Variants in SLC4A8 observed in about 807,000 individuals in gnomAD.
SLC4A8 encodes electroneutral sodium bicarbonate exchanger 1.
SLC4A8 carries 40 observed loss-of-function variants against 125.0 expected under a neutral mutation model. That is an observed-to-expected ratio of 0.32 (90% CI 0.25 to 0.42). The LOEUF is 0.42. SLC4A8 is among the 10% of genes least tolerant of loss of function. SLC4A8 has a pLI of 1.00. For synonymous variants in SLC4A8, 456 were observed against 476.0 expected, an observed-to-expected ratio of 0.96 and a Z score of 0.55; for missense variants, 863 against 1,355.1, an observed-to-expected ratio of 0.64 and a Z score of 5.70.
rs188997817 is a variant in SLC4A8, at chr12:51,484,550, G to C, written c.2173-1237G>C. On this transcript the variant is annotated intron_variant, in intron 16 of 24. Coordinates refer to ENST00000453097, the MANE Select transcript of SLC4A8 (RefSeq NM_001039960.3). ...GAGAATTTATATTGCATTCAGAGAA[G>C]AACTAACAAAACCATGGAGGAGGAA... Among the ~76,000 whole-genome samples the C allele has an allele frequency of 6.6e-5, 10 of 152,246 alleles. No homozygotes were observed. In the East Asian group the frequency reaches 7.7e-4, roughly 12 times the overall value.
intron 2 of SLC4A8, among the ~76,000 whole-genome samples, chr12:51,444,464 ATAAT>A (rs150795972): frequency 0.018 from 2,690 of 152,300 alleles, 43 homozygotes; most frequent in Non-Finnish European, 0.025. Flanking sequence ...AATGTTCGTG[ATAAT>A]TGATTGTACT....
chr12:51,458,366 A>C (rs569548063), intron 6 of SLC4A8, among the ~76,000 whole-genome samples, 193 bp from the exon 7 acceptor site: 1 of 152,330 alleles, frequency 6.6e-6, no homozygotes, highest in East Asian at 1.9e-4. Context: ...AAGTAGCAAG[A>C]GCTCTGTCCT....
intron 1 of SLC4A8, among the ~76,000 whole-genome samples, chr12:51,401,796 C>T (rs940774612): frequency 1.3e-5 from 2 of 152,166 alleles, no homozygotes; most frequent in African/African-American, 4.8e-5. Context: ...CACCCCCTTC[C>T]CTTCCCAGCA....
At chr12:51,499,869 G>GT (rs1158318261) in intron 22 of SLC4A8, among the ~76,000 whole-genome samples, 1 of 152,116 alleles carries the variant, frequency 6.6e-6, no homozygotes, top group Non-Finnish European at 1.5e-5. Flanking sequence ...AGCTTGGTGT[G>GT]TTTGAGGAAC....
At chr12:51,482,491 T>A (rs1272951778) in intron 16 of SLC4A8, among the ~76,000 whole-genome samples, 2 of 152,144 alleles carry the variant, frequency 1.3e-5, no homozygotes, top group African/African-American at 4.8e-5. Context: ...GTGATTCTCC[T>A]GCCTCAGCCT....
chr12:51,423,145 G>A (rs184513100), upstream of SLC4A8, among the ~76,000 whole-genome samples: 373 of 152,230 alleles, frequency 2.5e-3, 1 homozygote, highest in African/African-American at 8.6e-3. Context: ...ATACAGAAGG[G>A]CATAAGAAAA....
At chr12:51,502,902 C>T (rs1675549924) in intron 22 of SLC4A8, among the ~76,000 whole-genome samples, 2 of 146,890 alleles carry the variant, frequency 1.4e-5, no homozygotes, top group East Asian at 2.0e-4. Flanking sequence ...AGTGCAGTGG[C>T]GCCATCTTGG....
At position 51,512,871 on chromosome 12, in the gene SLC4A8, A is replaced by G. The variant is rs1938414180; in HGVS notation, c.*5433A>G. The G allele has an allele frequency of 6.6e-6, 1 of 152,248 alleles. No homozygotes were observed. The highest frequency in any genetic ancestry group is 1.5e-5 in the Non-Finnish European group (1 of 68,046). The allele number at this position is 152,248 out of a possible 1,614,324, so 9.4% of individuals were successfully genotyped here. A position where few individuals can be genotyped will look rare whatever the true frequency, so the allele number is the denominator to read the frequency against. On this transcript the variant is annotated 3_prime_UTR_variant, in exon 25 of 25. Coordinates refer to ENST00000453097, the MANE Select transcript of SLC4A8 (RefSeq NM_001039960.3). The stretch of plus-strand genomic sequence containing the variant: ...TCTATGGGAAAAGATGTTTAAACTC[A>G]GCATGAAGGAGAAACAAATTTAGGA...
chr12:51,417,224 C>T (rs1436738423), intron 1 of SLC4A8, among the ~76,000 whole-genome samples: 3 of 152,194 alleles, frequency 2.0e-5, no homozygotes, highest in Non-Finnish European at 4.4e-5. Context: ...CCTTTGTCAC[C>T]CAGTGCAGTG....
chr12:51,426,347 G>C (rs1948977734), intron 1 of SLC4A8, among the ~76,000 whole-genome samples: 1 of 152,138 alleles, frequency 6.6e-6, no homozygotes, highest in Admixed American at 6.5e-5. Flanking sequence ...GGGATACAAT[G>C]GTAAGAAAAA....
At chr12:51,395,239 G>C (rs140951044) in intron 1 of SLC4A8, among the ~76,000 whole-genome samples, 37 of 152,220 alleles carry the variant, frequency 2.4e-4, no homozygotes, top group African/African-American at 8.4e-4. Context: ...GCATATTCCT[G>C]ACTGAAAGTT....
intron 16 of SLC4A8, among the ~76,000 whole-genome samples, chr12:51,479,050 T>C (rs1950940744): frequency 6.6e-6 from 1 of 152,202 alleles, no homozygotes; most frequent in African/African-American, 2.4e-5. Context: ...TGTGCCATGG[T>C]GTGTCCTAGT....
At chr12:51,468,577 G>A (rs1419937154) in intron 11 of SLC4A8, among the ~76,000 whole-genome samples, 1 of 152,112 alleles carries the variant, frequency 6.6e-6, no homozygotes, top group Non-Finnish European at 1.5e-5. Flanking sequence ...GGCTAACACG[G>A]TGAAACCCCG....
chr12:51,510,468 G>T lies in SLC4A8; in HGVS notation c.*3030G>T, dbSNP rs1938329426. ...AACTTCCCAATAGGAGGTATTCCTT[G>T]ATGGCTCTCGAATGCATGAATGATA... On this transcript the variant is annotated 3_prime_UTR_variant, in exon 25 of 25. Coordinates refer to ENST00000453097, the MANE Select transcript of SLC4A8 (RefSeq NM_001039960.3). 6.7e-6 allele frequency: 1 copy of T among 149,858 alleles called. No individual in the cohort carries two copies. Among genetic ancestry groups the T allele is most frequent in the South Asian group, 2.1e-4 (1 of 4,770 alleles). The allele number at this position is 149,858 out of a possible 1,614,324, so 9.3% of individuals were successfully genotyped here.
At chr12:51,496,510 A>G (rs2138422898) in intron 21 of SLC4A8, among the ~76,000 whole-genome samples, 1 of 152,342 alleles carries the variant, frequency 6.6e-6, no homozygotes, top group South Asian at 2.1e-4. Flanking sequence ...AAAAACCACT[A>G]GAGACAAATG....
chr12:51,479,897 C>T (rs1420247986), intron 16 of SLC4A8: 2 of 362,266 alleles, frequency 5.5e-6, no homozygotes, highest in East Asian at 9.0e-5. Flanking sequence ...AGAAAGTGTA[C>T]TATGGCTGCC....
Position 51,515,136 on chromosome 12 carries a change from T to A in SLC4A8, c.*7698T>A, listed in dbSNP as rs1938487292. ...AAATCAGCGGAGCTTGGGCTTCGCT[T>A]AGCAGGTTTGCAATTGACTTCAACA... is the stretch of plus-strand genomic sequence containing the variant. On this transcript the variant is annotated 3_prime_UTR_variant, in exon 25 of 25. Coordinates refer to ENST00000453097, the MANE Select transcript of SLC4A8 (RefSeq NM_001039960.3). 1 of 152,264 alleles carries A rather than the reference T, an allele frequency of 6.6e-6. No homozygotes were observed. Among genetic ancestry groups the A allele is most frequent in the African/African-American group, 2.4e-5 (1 of 41,478 alleles). The allele number at this position is 152,264 out of a possible 1,614,324, so 9.4% of individuals were successfully genotyped here.
intron 1 of SLC4A8, among the ~76,000 whole-genome samples, chr12:51,403,506 A>G (rs1478941501): frequency 2.0e-5 from 3 of 152,238 alleles, no homozygotes; most frequent in Non-Finnish European, 4.4e-5. Context: ...TGCACAGGAT[A>G]GAAATGAAAC....
chr12:51,478,388 G>A (rs935321498), intron 16 of SLC4A8, among the ~76,000 whole-genome samples: 7 of 151,112 alleles, frequency 4.6e-5, no homozygotes, highest in Admixed American at 6.6e-5. Flanking sequence ...ACAGTGAGCC[G>A]AGATCACTCT....
Sources: gnomAD v4.1 joint callset for allele counts (sites outside exome capture counted in the v4.1 genomes callset) on GRCh38, gnomAD v4.1.1 for gene constraint, MANE v1.5 for transcripts, NCBI Gene and HGNC (gene_info 2026-07-23, HGNC 2026-07-21) for gene names.